Variants in BLTP3A observed in about 807,000 individuals in gnomAD.
BLTP3A encodes bridge-like lipid transfer protein family member 3A.
the BLTP3A span, among the ~76,000 whole-genome samples, chr6:34,825,499 G>T: frequency 6.6e-6 from 1 of 152,246 alleles, no homozygotes; most frequent in East Asian, 1.9e-4. Context: ...TAGAGATGGG[G>T]TTTCACCATG....
the BLTP3A span, chr6:34,871,914 T>C: frequency 6.2e-7 from 1 of 1,614,102 alleles, no homozygotes; most frequent in South Asian, 1.1e-5. Flanking sequence ...AGGAGAGGTT[T>C]TTGAACAGCA....
the BLTP3A span, among the ~76,000 whole-genome samples, chr6:34,831,982 T>C: frequency 6.6e-5 from 10 of 152,026 alleles, no homozygotes; most frequent in Non-Finnish European, 1.3e-4. Flanking sequence ...GCCTAGCTAA[T>C]TTTTGTATTT....
At chr6:34,810,747 G>A in the BLTP3A span, among the ~76,000 whole-genome samples, 198 of 152,262 alleles carry the variant, frequency 1.3e-3, 4 homozygotes, top group African/African-American at 2.6e-4. Flanking sequence ...GTGAGTACAG[G>A]TGTGAGCCAT....
the BLTP3A span, among the ~76,000 whole-genome samples, chr6:34,826,025 C>CT: frequency 9.9e-6 from 1 of 101,058 alleles, no homozygotes; most frequent in Non-Finnish European, 1.8e-5. Flanking sequence ...TTACATTTTG[C>CT]ATTTTTTTTT....
the BLTP3A span, among the ~76,000 whole-genome samples, chr6:34,839,648 G>T: frequency 6.6e-6 from 1 of 152,230 alleles, no homozygotes; most frequent in African/African-American, 2.4e-5. Context: ...TCGGTGGGGT[G>T]GGGCACTGCC....
the BLTP3A span, chr6:34,859,125 C>A: frequency 3.1e-6 from 5 of 1,614,052 alleles, no homozygotes; most frequent in Non-Finnish European, 4.2e-6. Context: ...CCTCATCAGA[C>A]CAGGGCCCAG....
chr6:34,877,245 G>C, the BLTP3A span: 2 of 152,760 alleles, frequency 1.3e-5, no homozygotes, highest in African/African-American at 4.8e-5. Flanking sequence ...CGAGAGAACA[G>C]CTTCAAAATC....
chr6:34,862,146 A>G, the BLTP3A span, among the ~76,000 whole-genome samples: 2 of 152,022 alleles, frequency 1.3e-5, no homozygotes, highest in African/African-American at 4.8e-5. Flanking sequence ...TGGGGGGCCA[A>G]GGCAGGCAGA....
the BLTP3A span, among the ~76,000 whole-genome samples, chr6:34,793,933 A>G: frequency 6.6e-6 from 1 of 152,020 alleles, no homozygotes; most frequent in Non-Finnish European, 1.5e-5. Context: ...CAAAAAAAAA[A>G]AAAAAGAATG....
chr6:34,807,939 G>T, the BLTP3A span, among the ~76,000 whole-genome samples: 1 of 152,148 alleles, frequency 6.6e-6, no homozygotes, highest in Non-Finnish European at 1.5e-5. Context: ...TACTCAGGAA[G>T]CTGAGGTAGG....
At chr6:34,817,043 C>T in the BLTP3A span, among the ~76,000 whole-genome samples, 1 of 152,170 alleles carries the variant, frequency 6.6e-6, no homozygotes, top group Non-Finnish European at 1.5e-5. Flanking sequence ...CTAGTGATTA[C>T]AAATAATGTT....
the BLTP3A span, chr6:34,857,976 G>A: frequency 1.8e-5 from 29 of 1,585,742 alleles, no homozygotes; most frequent in Admixed American, 5.1e-4. Context: ...TTTTTCCAAT[G>A]GATATAATCC....
chr6:34,809,245 T>G, the BLTP3A span, among the ~76,000 whole-genome samples: 3 of 151,826 alleles, frequency 2.0e-5, no homozygotes, highest in Admixed American at 2.0e-4. Context: ...ATTGAAAAAT[T>G]AGTTGGGCGT....
At chr6:34,822,944 A>G in the BLTP3A span, among the ~76,000 whole-genome samples, 5 of 151,952 alleles carry the variant, frequency 3.3e-5, no homozygotes, top group South Asian at 2.1e-4. Context: ...TCTTTATCCC[A>G]AAAACTGGAA....
At chr6:34,844,319 A>T in the BLTP3A span, among the ~76,000 whole-genome samples, 1 of 152,014 alleles carries the variant, frequency 6.6e-6, no homozygotes, top group Non-Finnish European at 1.5e-5. Flanking sequence ...TGTGTTGCCC[A>T]GGCTGGAGTC....
the BLTP3A span, among the ~76,000 whole-genome samples, chr6:34,850,711 T>G: frequency 6.6e-6 from 1 of 152,168 alleles, no homozygotes; most frequent in South Asian, 2.1e-4. Context: ...CTTAATTTTT[T>G]TAAGAGATAG....
chr6:34,870,085 T>C, the BLTP3A span, among the ~76,000 whole-genome samples: 1 of 152,198 alleles, frequency 6.6e-6, no homozygotes, highest in African/African-American at 2.4e-5. Flanking sequence ...ACCCCCAAAA[T>C]ATCCCTGTAC....
At chr6:34,833,920 C>CA in the BLTP3A span, among the ~76,000 whole-genome samples, 2,208 of 44,770 alleles carry the variant, frequency 0.049, 220 homozygotes, top group African/African-American at 0.097. Flanking sequence ...GACTCCGTCT[C>CA]AAAAAAAAAA....
the BLTP3A span, among the ~76,000 whole-genome samples, chr6:34,805,507 C>T: frequency 3.3e-5 from 5 of 150,682 alleles, no homozygotes; most frequent in Non-Finnish European, 4.4e-5. Context: ...GCAGGAGAAT[C>T]ACTTGAACCT....
Sources: allele counts gnomAD v4.1 joint callset (sites outside exome capture counted in the v4.1 genomes callset), GRCh38; gene constraint gnomAD v4.1.1; transcripts MANE v1.5; gene names NCBI Gene and HGNC (gene_info 2026-07-23, HGNC 2026-07-21).